Variants in WWTR1 observed in about 807,000 individuals in gnomAD.
The protein encoded by WWTR1 is WW domain containing transcription regulator 1.
In WWTR1, 13 loss-of-function variants were observed where a neutral mutation model predicts 40.1. The observed-to-expected ratio is 0.32, with a 90% CI of 0.21 to 0.52. The LOEUF (loss-of-function observed/expected upper bound fraction) is 0.52. Ranked by LOEUF, WWTR1 falls within the 20% of genes least tolerant of loss-of-function variation. The probability of loss-of-function intolerance (pLI) is 0.97; values close to 1 mark genes in which losing one functional copy is unlikely to be tolerated. For synonymous variants in WWTR1, 230 were observed against 210.1 expected (o/e 1.09, Z -0.82); for missense variants, 436 against 523.1 (o/e 0.83, Z 1.63).
At chr3:149,624,184 C>T (rs181008294) in intron 2 of WWTR1, among the ~76,000 whole-genome samples, 55 of 152,178 alleles carry the variant, frequency 3.6e-4, no homozygotes, top group African/African-American at 1.3e-3. Context: ...TGAACAGATA[C>T]TGGCATACAT....
chr3:149,537,648 T>C (rs1025220364), intron 4 of WWTR1, among the ~76,000 whole-genome samples: 8 of 152,310 alleles, frequency 5.3e-5, no homozygotes, highest in African/African-American at 1.9e-4. Flanking sequence ...TTTTGACAAA[T>C]GTAGAGCTGT....
At chr3:149,666,417 T>C (rs190523642) in intron 2 of WWTR1, among the ~76,000 whole-genome samples, 4 of 152,316 alleles carry the variant, frequency 2.6e-5, no homozygotes, top group African/African-American at 9.6e-5. Context: ...TCTTTAAAAA[T>C]ATATATTTCT....
At chr3:149,713,600 C>T (rs1373520561) in intron 5 of WWTR1, among the ~76,000 whole-genome samples, 3 of 152,120 alleles carry the variant, frequency 2.0e-5, no homozygotes, top group Admixed American at 6.5e-5. Flanking sequence ...AGGCTGGTCT[C>T]GAACTCCTGA....
intron 6 of WWTR1, among the ~76,000 whole-genome samples, chr3:149,522,844 C>T (rs2107898127): frequency 6.6e-6 from 1 of 152,050 alleles, no homozygotes; most frequent in South Asian, 2.1e-4. Flanking sequence ...CAAGAACAGC[C>T]TTGCCAACAT....
chr3:149,662,022 C>T (rs1047839906), upstream of WWTR1, among the ~76,000 whole-genome samples: 12 of 151,924 alleles, frequency 7.9e-5, no homozygotes, highest in African/African-American at 1.9e-4. Context: ...TGAGCCACCT[C>T]GCCCGGCCAA....
rs565715998 is a variant in WWTR1 at position 149,587,217 on chromosome 3, A to G, written c.432-14217T>C. Among the ~76,000 whole-genome samples the G allele has an allele frequency of 5.3e-5, 8 of 152,334 alleles. No individual in the cohort carries two copies. In the East Asian group the frequency reaches 1.5e-3, roughly 29 times the overall value. ...ATACTATCTCTGGGTAGGTAGTGTC[A>G]GAATTGAATGAAATTACAGGACACC... On this transcript the variant is annotated intron_variant, in intron 2 of 6. Coordinates refer to ENST00000360632, the MANE Select transcript of WWTR1 (RefSeq NM_015472.6).
Position 149,695,794 on chromosome 3 carries a change from A to T in WWTR1, c.-108+7330T>A, listed in dbSNP as rs6802768. Among the ~76,000 whole-genome samples, 243 of 140,810 alleles carry T rather than the reference A, an allele frequency of 1.7e-3. 1 individual carries two copies. The highest frequency in any genetic ancestry group is 5.3e-3 in the African/African-American group (208 of 39,026). 92.4% of individuals were successfully genotyped at this position (140,810 alleles called of 152,430 possible). A position where few individuals can be genotyped will look rare whatever the true frequency, so the allele number is the denominator to read the frequency against. ...AAAAAACAAGAAAAGAAAAGAAAAAAATATATATATATATATTTAAAAAAG... is the reference window on the plus strand; with the variant it reads ...AAAAAACAAGAAAAGAAAAGAAAAATATATATATATATATATTTAAAAAAG... On this transcript the variant is annotated intron_variant, in intron 1 of 7. Coordinates refer to the WWTR1 transcript ENST00000465804.
intron 3 of WWTR1, among the ~76,000 whole-genome samples, chr3:149,560,085 A>C (rs1048605841): frequency 6.6e-6 from 1 of 152,210 alleles, no homozygotes; most frequent in African/African-American, 2.4e-5. Flanking sequence ...CTTACATCCC[A>C]GGGTCAGAGC....
intron 3 of WWTR1, among the ~76,000 whole-genome samples, chr3:149,549,995 T>G (rs1264973175): frequency 6.6e-6 from 1 of 152,224 alleles, no homozygotes; most frequent in Non-Finnish European, 1.5e-5. Flanking sequence ...TTATAACAAA[T>G]GTAGCATATT....
At chr3:149,640,287 T>C (rs577753964) in intron 2 of WWTR1, among the ~76,000 whole-genome samples, 3 of 152,322 alleles carry the variant, frequency 2.0e-5, no homozygotes, top group South Asian at 2.1e-4. Context: ...AGCAAAACAA[T>C]TGAAACTATT....
chr3:149,619,356 C>T (rs1018136389), intron 2 of WWTR1, among the ~76,000 whole-genome samples: 10 of 152,164 alleles, frequency 6.6e-5, no homozygotes, highest in African/African-American at 9.7e-5. Flanking sequence ...ATTAGTGACT[C>T]ACACCTGTAA....
Position 149,550,952 on chromosome 3 carries a change from A to G in WWTR1, c.569-8415T>C, listed in dbSNP as rs572258170. On this transcript the variant is annotated intron_variant, in intron 3 of 6. Transcript: ENST00000360632. ...TTTTCTTTAAAAAGCTTGCTTCTAT[A>G]ATAAAACCACATCAACTATTCCAAA... Among the ~76,000 whole-genome samples, 5 of 144,418 alleles carry G rather than the reference A, an allele frequency of 3.5e-5. 1 individual carries two copies. The South Asian group carries it at 8.8e-4, about 26-fold the overall frequency. The allele number at this position is 144,418 out of a possible 152,430, so 94.7% of individuals were successfully genotyped here. A position where few individuals can be genotyped will look rare whatever the true frequency, so the allele number is the denominator to read the frequency against.
intron 3 of WWTR1, among the ~76,000 whole-genome samples, chr3:149,568,683 C>G (rs538596194): frequency 1.3e-5 from 2 of 152,254 alleles, no homozygotes; most frequent in East Asian, 3.9e-4. Context: ...TCCAGGATGA[C>G]TAAGTAATGG....
At chr3:149,576,457 T>C (rs1296738665) in intron 2 of WWTR1, among the ~76,000 whole-genome samples, 1 of 152,124 alleles carries the variant, frequency 6.6e-6, no homozygotes, top group East Asian at 1.9e-4. Context: ...ATCTCAGTGT[T>C]TGCCAGGACC....
chr3:149,707,272 T>C (rs1715357797), upstream of WWTR1, among the ~76,000 whole-genome samples: 1 of 152,106 alleles, frequency 6.6e-6, no homozygotes, highest in Non-Finnish European at 1.5e-5. Flanking sequence ...CTGTCTTTGA[T>C]CAAAGCCCCC....
At chr3:149,618,419 A>G (rs1168857873) in intron 2 of WWTR1, among the ~76,000 whole-genome samples, 1 of 152,206 alleles carries the variant, frequency 6.6e-6, no homozygotes, top group Non-Finnish European at 1.5e-5. Flanking sequence ...CCAGCGATAC[A>G]ACATGTATTT....
At chr3:149,629,109 G>A (rs1711499353) in intron 2 of WWTR1, among the ~76,000 whole-genome samples, 1 of 152,184 alleles carries the variant, frequency 6.6e-6, no homozygotes, top group Non-Finnish European at 1.5e-5. Context: ...AGTATTTGAA[G>A]GAAAGGTTCA....
At chr3:149,722,650 C>T (rs981731622) in intron 4 of WWTR1, among the ~76,000 whole-genome samples, 1 of 152,012 alleles carries the variant, frequency 6.6e-6, no homozygotes, top group East Asian at 1.9e-4. Flanking sequence ...TCTGGAATTC[C>T]CTCAAGGCAT....
rs566977646 is a variant in WWTR1, at chr3:149,595,312, G to A, written c.432-22312C>T. ...TTAACAATTGCTGAACCTAGATAAA[G>A]AGCAAACTCTCTTTCAACATTTTTT... On this transcript the variant is annotated intron_variant, in intron 2 of 6. Coordinates refer to ENST00000360632, the MANE Select transcript of WWTR1 (RefSeq NM_015472.6). Among the ~76,000 whole-genome samples the A allele has an allele frequency of 8.5e-5, 13 of 152,066 alleles. No individual in the cohort carries two copies. The South Asian group carries it at 2.5e-3, about 29-fold the overall frequency.
Sources: gnomAD v4.1 joint callset for allele counts (sites outside exome capture counted in the v4.1 genomes callset) on GRCh38, gnomAD v4.1.1 for gene constraint, MANE v1.5 for transcripts, NCBI Gene and HGNC (gene_info 2026-07-23, HGNC 2026-07-21) for gene names.